Variants in FGF13 observed in about 807,000 individuals in gnomAD.
FGF13 encodes the protein fibroblast growth factor homologous factor 2.
In FGF13, 2 loss-of-function variants were observed where a neutral mutation model predicts 19.5. That is an observed-to-expected ratio of 0.10 (90% CI 0.04 to 0.32). The LOEUF is 0.32. Among genes scored for constraint, FGF13 ranks in the 10% least tolerant of loss-of-function variants. The pLI, the probability that FGF13 is intolerant of heterozygous loss-of-function variation, is 1.00. For missense variants in FGF13, 113 were observed against 192.7 expected (o/e 0.59, Z 2.45); for synonymous variants, 72 against 76.9 (o/e 0.94, Z 0.33).
In FGF13 at chrX:139,144,039, C is replaced by T. The variant is rs141476624; in HGVS notation, c.-113+59377G>A. ...ACCAACATGCAAGCTGAAGCCCACA[C>T]ACACCAAAGCCAAGGAAAGGTAGCC... On this transcript the variant is annotated intron_variant, in intron 1 of 2. Transcript: ENST00000421460. Among the ~76,000 whole-genome samples, 859 of 111,549 alleles carry T rather than the reference C, an allele frequency of 7.7e-3. 8 individuals are homozygous for T. Among genetic ancestry groups the T allele is most frequent in the Non-Finnish European group, 0.012 (619 of 53,081 alleles).
At chrX:138,902,778 C>T (rs899169144) in intron 1 of FGF13, among the ~76,000 whole-genome samples, 1 of 111,364 alleles carries the variant, frequency 9.0e-6, no homozygotes, top group Non-Finnish European at 1.9e-5. Context: ...TGCTAATGGC[C>T]TCTCTTTAAT....
rs371560277 is a variant in FGF13 at position 139,070,987 on chromosome X, G to C, written c.-113+132429C>G. ...GAACATCACACACTGAGGCCTACTG[G>C]GGGGTGGAGGAGGGATAGCATTAGG... is the stretch of plus-strand genomic sequence containing the variant. On this transcript the variant is annotated intron_variant, in intron 1 of 2. Transcript: ENST00000421460. Among the ~76,000 whole-genome samples, 16 of 108,953 alleles carry C rather than the reference G, an allele frequency of 1.5e-4. No individual in the cohort carries two copies. The East Asian group carries it at 2.9e-3, about 19-fold the overall frequency. 94.6% of individuals were successfully genotyped at this position (108,953 alleles called of 115,157 possible).
At chrX:138,758,789 C>T (rs1474886760) in intron 3 of FGF13, among the ~76,000 whole-genome samples, 1 of 112,391 alleles carries the variant, frequency 8.9e-6, no homozygotes, top group Non-Finnish European at 1.9e-5. Context: ...ACATTCTATT[C>T]CATATAACAG....
At chrX:138,677,426 C>T (rs1255207746) in intron 3 of FGF13, among the ~76,000 whole-genome samples, 1 of 110,409 alleles carries the variant, frequency 9.1e-6, no homozygotes, top group East Asian at 2.8e-4. Context: ...ACAACCTACT[C>T]ATCTGACAAA....
At chrX:139,159,146 A>G (rs921808721) in intron 1 of FGF13, among the ~76,000 whole-genome samples, 1 of 112,395 alleles carries the variant, frequency 8.9e-6, no homozygotes, top group Non-Finnish European at 1.9e-5. Context: ...GAAACCCTAC[A>G]AGCCAGAAGA....
chrX:139,163,258 T>C (rs965779281), intron 1 of FGF13, among the ~76,000 whole-genome samples: 1 of 111,310 alleles, frequency 9.0e-6, no homozygotes, highest in African/African-American at 3.3e-5. Context: ...TGAATGAAGC[T>C]GGAAACCATC....
intron 1 of FGF13, among the ~76,000 whole-genome samples, chrX:138,984,841 T>TGTGTGTGTG (rs1569436376): frequency 6.4e-5 from 7 of 109,880 alleles, no homozygotes; most frequent in East Asian, 2.9e-4. Flanking sequence ...TGTGTGTGTG[T>TGTGTGTGTG]TTTAATTTTT....
intron 1 of FGF13, among the ~76,000 whole-genome samples, chrX:138,911,230 C>T (rs1224646271): frequency 9.0e-6 from 1 of 111,626 alleles, no homozygotes; most frequent in African/African-American, 3.3e-5. Context: ...GCCATTGTTC[C>T]AGCTTTTTTC....
chrX:139,070,605 TG>T (rs2092373415), intron 1 of FGF13, among the ~76,000 whole-genome samples: 1 of 112,020 alleles, frequency 8.9e-6, no homozygotes, highest in African/African-American at 3.2e-5. Flanking sequence ...AAATACTATT[TG>T]ACCCACCAAT....
At position 138,789,395 on chromosome X, in the gene FGF13, T is replaced by G. The variant is rs1372337097; in HGVS notation, c.217+68117A>C. Among the ~76,000 whole-genome samples the G allele has an allele frequency of 8.5e-5, 9 of 106,372 alleles. 1 individual carries two copies. The South Asian group carries it at 2.7e-3, about 32-fold the overall frequency. The allele number at this position is 106,372 out of a possible 115,157, so 92.4% of individuals were successfully genotyped here. On this transcript the variant is annotated intron_variant, in intron 3 of 6. Coordinates refer to the FGF13 transcript ENST00000436198. ...TGGGGTTTCACCATGTTGGCCAGGA[T>G]GGTCTCGATCTCCTGACATCATGAT...
At chrX:139,187,259 T>C (rs1229088662) in intron 1 of FGF13, among the ~76,000 whole-genome samples, 2 of 112,779 alleles carry the variant, frequency 1.8e-5, no homozygotes, top group African/African-American at 6.4e-5. Context: ...AGTGATATAG[T>C]TGGAAGTCAG....
intron 2 of FGF13, among the ~76,000 whole-genome samples, chrX:138,860,378 A>C (rs976734894): frequency 9.0e-6 from 1 of 111,411 alleles, no homozygotes; most frequent in South Asian, 3.8e-4. Context: ...CAATGCGTCC[A>C]TGGGGTACCA....
rs931717119 is a variant in FGF13 at position 138,620,493 on chromosome X, A to T, written c.*12357T>A. On this transcript the variant is annotated 3_prime_UTR_variant, in exon 5 of 5. Transcript: ENST00000315930. ...ACTTAAAATAAAAATAAAAATTATTAAAAAAAAAGAAATCAAACCATAGTA... is the reference window on the plus strand; with the variant it reads ...ACTTAAAATAAAAATAAAAATTATTTAAAAAAAAGAAATCAAACCATAGTA... 9.1e-6 allele frequency: 1 copy of T among 110,418 alleles called. No homozygotes were observed. Among genetic ancestry groups the T allele is most frequent in the African/African-American group, 3.3e-5 (1 of 30,409 alleles). The allele number at this position is 110,418 out of a possible 1,213,427, so 9.1% of individuals were successfully genotyped here. A position where few individuals can be genotyped will look rare whatever the true frequency, so the allele number is the denominator to read the frequency against.
intron 3 of FGF13, among the ~76,000 whole-genome samples, chrX:138,811,136 A>G (rs2090920574): frequency 8.9e-6 from 1 of 112,145 alleles, no homozygotes; most frequent in Admixed American, 9.5e-5. Flanking sequence ...CTATAAAGAC[A>G]CATGCACACA....
At chrX:138,787,973 C>A (rs1271751388) in intron 3 of FGF13, among the ~76,000 whole-genome samples, 1 of 111,729 alleles carries the variant, frequency 9.0e-6, no homozygotes, top group Non-Finnish European at 1.9e-5. Flanking sequence ...TCTGGCTTCC[C>A]AAAATTCTTG....
At chrX:138,704,803 A>C (rs2089979357) in intron 2 of FGF13, among the ~76,000 whole-genome samples, 1 of 112,345 alleles carries the variant, frequency 8.9e-6, no homozygotes, top group South Asian at 3.7e-4. Context: ...TGTGAGGTAA[A>C]GGAATGTAAT....
chrX:139,164,716 T>TAAA (rs1418463873), intron 1 of FGF13, among the ~76,000 whole-genome samples: 1 of 109,185 alleles, frequency 9.2e-6, no homozygotes, highest in Non-Finnish European at 1.9e-5. Flanking sequence ...AATAAATAAA[T>TAAA]AAATAAATGA....
chrX:138,667,696 A>G (rs751716470), intron 3 of FGF13: 1 of 367,545 alleles, frequency 2.7e-6, no homozygotes, highest in Non-Finnish European at 5.5e-6. Flanking sequence ...CATTTGCCAT[A>G]CGGTGGTAGT....
chrX:139,162,915 G>T (rs1223195898), intron 1 of FGF13, among the ~76,000 whole-genome samples: 1 of 112,240 alleles, frequency 8.9e-6, no homozygotes, highest in Non-Finnish European at 1.9e-5. Flanking sequence ...AGGATGTGGA[G>T]AAATAGGAAT....
Sources: allele counts gnomAD v4.1 joint callset (sites outside exome capture counted in the v4.1 genomes callset), GRCh38; gene constraint gnomAD v4.1.1; transcripts MANE v1.5; gene names NCBI Gene and HGNC (gene_info 2026-07-23, HGNC 2026-07-21).